The following ATN1 variants were observed in gnomAD, a reference collection of about 807,000 sequenced individuals.
ATN1 encodes the protein atrophin 1, also known as atrophin-1.
ATN1 carries 19 observed loss-of-function variants against 85.8 expected under a neutral mutation model. The observed-to-expected ratio is 0.22, with a 90% CI of 0.15 to 0.32. The LOEUF (loss-of-function observed/expected upper bound fraction) is 0.32, where lower values mean the gene tolerates loss of function less well. ATN1 is among the 10% of genes least tolerant of loss of function. The pLI is 1.00. For missense variants in ATN1, 1,453 were observed against 1,564.5 expected (o/e 0.93, Z 1.20); for synonymous variants, 674 against 657.0 (o/e 1.03, Z -0.39).
chr12:6,935,756 A>C lies in ATN1; in HGVS notation c.489A>C (p.Pro163=), dbSNP rs1945522520. ...QGPARPYHPP[P]LFPPSPQPPD... Reference sequence around the variant, plus strand: ...CAGCCCGCCCCTACCACCCACCTCCACTCTTTCCTCCTTCCCCTCAACCGC... The same window carrying C: ...CAGCCCGCCCCTACCACCCACCTCCCCTCTTTCCTCCTTCCCCTCAACCGC... The change falls in exon 5 of 10, where the codon CCA becomes CCC. Residue 163 remains proline, a synonymous_variant. Coordinates refer to ENST00000396684, the MANE Select transcript of ATN1 (RefSeq NM_001940.4). This position sits in a 1 kb window ranked among gnomAD's most constrained non-coding sequence, Gnocchi z 5.3. 9 of 1,590,618 alleles carry C rather than the reference A, an allele frequency of 5.7e-6. No homozygotes were observed. Among genetic ancestry groups the C allele is most frequent in the African/African-American group, 1.4e-5 (1 of 72,154 alleles).
Position 6,942,066 on chromosome 12 carries a change from C to A in ATN1, c.*286C>A. ...CCCTGCTTTTCTCCTCCCCCATGCCCAACCCCTGTGGCCGCCGCCCCTCCC... is the reference window on the plus strand; with the variant it reads ...CCCTGCTTTTCTCCTCCCCCATGCCAAACCCCTGTGGCCGCCGCCCCTCCC... On this transcript the variant is annotated 3_prime_UTR_variant, in exon 10 of 10. Coordinates refer to ENST00000396684, the MANE Select transcript of ATN1 (RefSeq NM_001940.4). 1 of 520,402 alleles carries A rather than the reference C, an allele frequency of 1.9e-6. No homozygotes were observed. Among genetic ancestry groups the A allele is most frequent in the Non-Finnish European group, 3.5e-6 (1 of 287,312 alleles). 32.2% of individuals were successfully genotyped at this position (520,402 alleles called of 1,614,324 possible).
intron 1 of ATN1, among the ~76,000 whole-genome samples, chr12:6,933,465 T>C (rs1485516688): frequency 6.6e-6 from 1 of 152,138 alleles, no homozygotes; most frequent in Non-Finnish European, 1.5e-5. Flanking sequence ...GCTGGAATTA[T>C]AGACATGAGC....
Position 6,938,535 on chromosome 12 carries a change from C to G in ATN1, c.2572C>G (p.Pro858Ala), listed in dbSNP as rs1420224730. 6.2e-7 allele frequency: 1 copy of G among 1,613,910 alleles called. No individual in the cohort carries two copies. Among genetic ancestry groups the G allele is most frequent in the African/African-American group, 1.3e-5 (1 of 74,950 alleles). The part of the protein sequence containing the change: ...PVECPSLGPV[P>A]HRPPFEPGSA... ...GGAATGCCCATCTCTGGGCCCAGTG[C>G]CCCATCGCCCTCCATTTGAACCGGG... The change falls in exon 7 of 10, where the codon CCC becomes GCC. Residue 858 changes from proline to alanine, a missense_variant. Pro to Ala is a conservative substitution (Grantham distance 27). Coordinates refer to ENST00000396684, the MANE Select transcript of ATN1 (RefSeq NM_001940.4).
At chr12:6,939,668 C>A (rs1945607863) in intron 7 of ATN1, among the ~76,000 whole-genome samples, 1 of 151,978 alleles carries the variant, frequency 6.6e-6, no homozygotes, top group South Asian at 2.1e-4. Context: ...TACCTGGCTA[C>A]TTTTTGTATT....
intron 1 of ATN1, 78 bp downstream of exon 1, chr12:6,928,462 C>T (rs1165675669): frequency 1.3e-5 from 2 of 151,916 alleles, no homozygotes; most frequent in African/African-American, 4.8e-5. Flanking sequence ...CTCCCCACCC[C>T]CACCCCTCCC....
chr12:6,925,662 C>T (rs1050480561), upstream of ATN1, among the ~76,000 whole-genome samples: 5 of 152,198 alleles, frequency 3.3e-5, no homozygotes, highest in Non-Finnish European at 7.3e-5. Context: ...CCTGTTCCTG[C>T]GCCCAGTTCC....
Position 6,937,128 on chromosome 12 carries a change from G to A in ATN1, c.1861G>A (p.Val621Met). 1.2e-6 allele frequency: 2 copies of A among 1,611,446 alleles called. No individual in the cohort carries two copies. Among genetic ancestry groups the A allele is most frequent in the Non-Finnish European group, 1.7e-6 (2 of 1,179,972 alleles). ...SATLSTVIAT[V>M]ASSPAGYKTA... ...TACCCTTTCCACGGTCATTGCCACC[G>A]TGGCTTCCTCGCCAGCAGGCTACAA... The change falls in exon 5 of 10, where the codon GTG (valine) becomes ATG (methionine). Residue 621 changes from valine to methionine, a missense_variant. Coordinates refer to ENST00000396684, the MANE Select transcript of ATN1 (RefSeq NM_001940.4). The surrounding 1 kb of genome is among the most constrained non-coding windows in gnomAD (Gnocchi z 6.0).
At chr12:6,925,532 G>A (rs782604253), upstream of ATN1, among the ~76,000 whole-genome samples, 5 of 152,282 alleles carry the variant, frequency 3.3e-5, no homozygotes, top group African/African-American at 1.2e-4. Context: ...CAGGGAGACA[G>A]GGAGCTGGCC....
At chr12:6,925,107 T>TGTGC (rs1945384505), upstream of ATN1, among the ~76,000 whole-genome samples, 2 of 124,092 alleles carry the variant, frequency 1.6e-5, no homozygotes, top group African/African-American at 3.6e-5. Context: ...GGGCTGTGTG[T>TGTGC]GTGCGTGTGC....
In ATN1 at chr12:6,942,080, G is replaced by A. The variant is rs1945644635; in HGVS notation, c.*300G>A. 8 of 485,796 alleles carry A rather than the reference G, an allele frequency of 1.6e-5. No individual in the cohort carries two copies. The highest frequency in any genetic ancestry group is 3.5e-5 in the East Asian group (1 of 28,778). 30.1% of individuals were successfully genotyped at this position (485,796 alleles called of 1,614,324 possible). A position where few individuals can be genotyped will look rare whatever the true frequency, so the allele number is the denominator to read the frequency against. ...TCCCCCATGCCCAACCCCTGTGGCC[G>A]CCGCCCCTCCCCTGCCCCGTTGGTG... On this transcript the variant is annotated 3_prime_UTR_variant, in exon 10 of 10. Coordinates refer to ENST00000396684, the MANE Select transcript of ATN1 (RefSeq NM_001940.4).
rs1555144335 is a variant in ATN1 at position 6,939,036 on chromosome 12, A to G, written c.3073A>G (p.Arg1025Gly). 1.2e-6 allele frequency: 2 copies of G among 1,608,920 alleles called. No homozygotes were observed. Among genetic ancestry groups the G allele is most frequent in the East Asian group, 4.5e-5 (2 of 44,880 alleles). The change falls in exon 7 of 10, where the codon AGG (arginine) becomes GGG (glycine). Residue 1025 changes from arginine (R) to glycine (G), a missense_variant. Arg to Gly is a moderately radical substitution (Grantham distance 125). Transcript: ENST00000396684. ...CTATGCTGAGCGGCTGGCAGCTGAG[A>G]GGCAGCACGCAGAAAGGGTGGCGGC... Reference protein sequence around the residue: ...MSYAERLAAERQHAERVAALG... With the variant: ...MSYAERLAAEGQHAERVAALG...
upstream of ATN1, among the ~76,000 whole-genome samples, chr12:6,927,388 C>T (rs1945408560): frequency 6.6e-6 from 1 of 151,978 alleles, no homozygotes; most frequent in South Asian, 2.1e-4. Context: ...GCAGCTCCAT[C>T]TTTCCAATCC....
In ATN1 at chr12:6,928,139, G is replaced by A. The variant is rs1254744975; in HGVS notation, c.-408G>A. Among the ~76,000 whole-genome samples the A allele has an allele frequency of 6.8e-6, 1 of 146,014 alleles. No individual in the cohort carries two copies. The highest frequency in any genetic ancestry group is 6.8e-5 in the Admixed American group (1 of 14,784). ...GCCAGGGGGAGGCGGCGAGCCCGGGGAGGTGGGGAGCAGAGCGGGGATCGG... is the reference window on the plus strand; with the variant it reads ...GCCAGGGGGAGGCGGCGAGCCCGGGAAGGTGGGGAGCAGAGCGGGGATCGG... On this transcript the variant is annotated 5_prime_UTR_variant, in exon 1 of 10. Coordinates refer to ENST00000396684, the MANE Select transcript of ATN1 (RefSeq NM_001940.4).
chr12:6,941,169 C>T lies in ATN1; in HGVS notation c.3358+146C>T. On this transcript the variant is annotated intron_variant, in intron 8 of 9. Transcript: ENST00000396684. The surrounding 1 kb of genome is among the most constrained non-coding windows in gnomAD (Gnocchi z 5.9). ...GCATGGGAATAGGAGAGCTGGAGCT[C>T]TGCCCAAGAGAAGCACGAGTTTTAG... is the stretch of plus-strand genomic sequence containing the variant. 7.9e-7 allele frequency: 1 copy of T among 1,261,104 alleles called. No homozygotes were observed. Among genetic ancestry groups the T allele is most frequent in the Non-Finnish European group, 1.1e-6 (1 of 927,292 alleles). The allele number at this position is 1,261,104 out of a possible 1,614,324, so 78.1% of individuals were successfully genotyped here.
At position 6,938,849 on chromosome 12, in the gene ATN1, G is replaced by T. The variant is rs1945594059; in HGVS notation, c.2886G>T (p.Gly962=). 6.2e-7 allele frequency: 1 copy of T among 1,614,136 alleles called. No homozygotes were observed. Among genetic ancestry groups the T allele is most frequent in the Non-Finnish European group, 8.5e-7 (1 of 1,180,008 alleles). Residue 962 remains glycine (G), a synonymous_variant, in exon 7 of 10, where the codon GGG becomes GGT. Coordinates refer to ENST00000396684, the MANE Select transcript of ATN1 (RefSeq NM_001940.4). The part of the protein sequence containing the change: ...VKPSELEPLH[G]VPGPGLDPFP... ...CTAGTGAGCTGGAACCCCTACATGG[G>T]GTCCCTGGGCCGGGCTTGGATCCCT... is the stretch of plus-strand genomic sequence containing the variant.
chr12:6,930,737 A>C (rs1945451317), intron 1 of ATN1, among the ~76,000 whole-genome samples: 3 of 152,162 alleles, frequency 2.0e-5, no homozygotes, highest in Non-Finnish European at 4.4e-5. Flanking sequence ...TGGAGCTTGC[A>C]GTGAGCCGAG....
In ATN1 at chr12:6,936,392, T is replaced by C. The variant is rs1555143655; in HGVS notation, c.1125T>C (p.Tyr375=). ...SAPAPPMRFP[Y]SSSSSSSAAA... is the part of the protein sequence containing the mutation. ...CAGCGCCCCCCATGAGGTTTCCTTA[T>C]TCATCCTCTAGTAGTAGCTCTGCAG... Residue 375 remains tyrosine, a synonymous_variant, in exon 5 of 10, where the codon TAT becomes TAC. Coordinates refer to ENST00000396684, the MANE Select transcript of ATN1 (RefSeq NM_001940.4). The C allele has an allele frequency of 2.5e-6, 4 of 1,613,758 alleles. No homozygotes were observed. The highest frequency in any genetic ancestry group is 2.5e-6 in the Non-Finnish European group (3 of 1,179,922).
chr12:6,937,773 G>C lies in ATN1; in HGVS notation c.2295-72G>C. 1 of 1,471,470 alleles carries C rather than the reference G, an allele frequency of 6.8e-7. No homozygotes were observed. The highest frequency in any genetic ancestry group is 1.4e-5 in the South Asian group (1 of 71,892). The allele number at this position is 1,471,470 out of a possible 1,614,324, so 91.2% of individuals were successfully genotyped here. On this transcript the variant is annotated intron_variant, in intron 5 of 9. Transcript: ENST00000396684. This position sits in a 1 kb window ranked among gnomAD's most constrained non-coding sequence, Gnocchi z 6.0. ...GAGGCGGGGGCTACAAGCACTCGCC[G>C]GGGCCGCGGCGCTGCGGGCTCCATC...
intron 1 of ATN1, among the ~76,000 whole-genome samples, chr12:6,929,552 G>C (rs1024442250): frequency 6.6e-6 from 1 of 152,176 alleles, no homozygotes; most frequent in African/African-American, 2.4e-5. Flanking sequence ...GATTGGTTGG[G>C]GGGGCTTCGA....
Sources: gnomAD v4.1 joint callset for allele counts (sites outside exome capture counted in the v4.1 genomes callset) on GRCh38, gnomAD v4.1.1 for gene constraint, Gnocchi (gnomAD v3.1) non-coding constraint, MANE v1.5 for transcripts, NCBI Gene and HGNC (gene_info 2026-07-23, HGNC 2026-07-21) for gene names.